IGSF21: variants seen among roughly 807,000 people sequenced by gnomAD.
IGSF21 encodes the protein immunoglobin superfamily member 21.
IGSF21 carries 28 observed loss-of-function variants against 46.8 expected under a neutral mutation model. The observed-to-expected ratio is 0.60, with a 90% CI of 0.44 to 0.82. The LOEUF (loss-of-function observed/expected upper bound fraction) is 0.82, where lower values mean the gene tolerates loss of function less well. IGSF21 is among the 40% of genes least tolerant of loss of function. IGSF21 has a pLI of 0.00. For synonymous variants in IGSF21, 284 were observed against 273.6 expected (o/e 1.04, Z -0.38); for missense variants, 624 against 665.5 (o/e 0.94, Z 0.69).
At chr1:18,341,045 C>CTTCTTCTTTTCT (rs55780171) in intron 4 of IGSF21, among the ~76,000 whole-genome samples, 7 of 78,508 alleles carry the variant, frequency 8.9e-5, no homozygotes, top group African/African-American at 3.1e-4. Context: ...CTTCTTCTTC[C>CTTCTTCTTTTCT]TCTTCCTCTT....
intron 1 of IGSF21, among the ~76,000 whole-genome samples, chr1:18,169,123 T>G (rs544519027): frequency 1.1e-4 from 17 of 152,332 alleles, no homozygotes; most frequent in South Asian, 6.2e-4. Context: ...ATGATGACTT[T>G]GGGGGAATTG....
At chr1:18,111,262 T>C (rs2086142990) in intron 1 of IGSF21, 1 of 152,160 alleles carries the variant, frequency 6.6e-6, no homozygotes, top group East Asian at 1.9e-4. Flanking sequence ...CCCTCCAGCG[T>C]GGCCCCGCCC....
chr1:18,344,440 G>C (rs1217734878), intron 4 of IGSF21, among the ~76,000 whole-genome samples: 1 of 152,144 alleles, frequency 6.6e-6, no homozygotes, highest in Non-Finnish European at 1.5e-5. Context: ...AGTGAGCTAA[G>C]GAGATCTGAG....
At chr1:18,195,265 C>T (rs1423633728) in intron 1 of IGSF21, among the ~76,000 whole-genome samples, 2 of 152,190 alleles carry the variant, frequency 1.3e-5, no homozygotes, top group Non-Finnish European at 1.5e-5. Context: ...AGAGTCTTCA[C>T]TCACTCTACA....
intron 2 of IGSF21, among the ~76,000 whole-genome samples, chr1:18,280,074 G>T (rs1005128976): frequency 3.9e-5 from 6 of 152,198 alleles, no homozygotes; most frequent in Non-Finnish European, 5.9e-5. Flanking sequence ...GTCTACACAG[G>T]TGTGCCCACT....
At chr1:18,376,539 T>C (rs889224342) in intron 7 of IGSF21, 144 bp downstream of exon 7, 2 of 750,018 alleles carry the variant, frequency 2.7e-6, no homozygotes, top group Non-Finnish European at 4.8e-6. Flanking sequence ...CAATGTGTAA[T>C]TGGGAGAATC....
chr1:18,310,244 T>A (rs1011458864), intron 3 of IGSF21, among the ~76,000 whole-genome samples: 9 of 152,338 alleles, frequency 5.9e-5, no homozygotes, highest in Middle Eastern at 3.4e-3. Context: ...AAGGAGTTGG[T>A]ATCCATGCAC....
chr1:18,219,748 CA>C (rs1488664563), intron 1 of IGSF21, among the ~76,000 whole-genome samples: 1 of 152,150 alleles, frequency 6.6e-6, no homozygotes, highest in Admixed American at 6.5e-5. Context: ...CCAAGAGGTG[CA>C]TCAGGCAGTG....
chr1:18,290,390 A>G lies in IGSF21; in HGVS notation c.184-1476A>G, dbSNP rs1569737722. The stretch of plus-strand genomic sequence containing the variant: ...GAGGGGTGTGGGCTTACGGAGGGGT[A>G]AGGAGAAGCCGTGCCCTGGGAAGTC... On this transcript the variant is annotated intron_variant, in intron 2 of 9. Coordinates refer to ENST00000251296, the MANE Select transcript of IGSF21 (RefSeq NM_032880.5). This position sits in a 1 kb window ranked among gnomAD's most constrained non-coding sequence, Gnocchi z 4.2. 6.6e-6 allele frequency among the ~76,000 whole-genome samples: 1 copy of G among 152,162 alleles called. No homozygotes were observed. The highest frequency in any genetic ancestry group is 2.1e-4 in the South Asian group (1 of 4,828).
intron 4 of IGSF21, among the ~76,000 whole-genome samples, chr1:18,360,236 C>T (rs1280975587): frequency 6.6e-6 from 1 of 152,134 alleles, no homozygotes; most frequent in Non-Finnish European, 1.5e-5. Flanking sequence ...TTTCCCTTCT[C>T]GGAATTCCTA....
chr1:18,271,658 G>A (rs2124545768), intron 2 of IGSF21, among the ~76,000 whole-genome samples: 1 of 152,312 alleles, frequency 6.6e-6, no homozygotes, highest in East Asian at 1.9e-4. Context: ...AGATCAACCG[G>A]GAGCATCAGT....
At chr1:18,289,191 G>A (rs577614538) in intron 2 of IGSF21, among the ~76,000 whole-genome samples, 8 of 152,282 alleles carry the variant, frequency 5.3e-5, no homozygotes, top group African/African-American at 1.7e-4. Context: ...AGATTGGGAC[G>A]ATAAGGGCTG....
At chr1:18,179,244 G>C (rs1168190280) in intron 1 of IGSF21, 1 of 152,274 alleles carries the variant, frequency 6.6e-6, no homozygotes, top group East Asian at 1.9e-4. Flanking sequence ...CAACTCAACA[G>C]GTGCTCGTTT....
chr1:18,197,897 C>T lies in IGSF21; in HGVS notation c.71-30001C>T, dbSNP rs147307932. Among the ~76,000 whole-genome samples, 404 of 152,244 alleles carry T rather than the reference C, an allele frequency of 2.7e-3. 1 individual carries two copies. Among genetic ancestry groups the T allele is most frequent in the African/African-American group, 9.4e-3 (390 of 41,558 alleles). Reference sequence around the variant, plus strand: ...TGTGACTGTGTCTTAGCTGTGCTGACGTGGCCACTGGCTTCTATAAGAATC... The same window carrying T: ...TGTGACTGTGTCTTAGCTGTGCTGATGTGGCCACTGGCTTCTATAAGAATC... On this transcript the variant is annotated intron_variant, in intron 1 of 9. Coordinates refer to ENST00000251296, the MANE Select transcript of IGSF21 (RefSeq NM_032880.5).
chr1:18,361,867 C>T, intron 4 of IGSF21: 1 of 495,266 alleles, frequency 2.0e-6, no homozygotes, highest in African/African-American at 1.9e-5. Context: ...TCTGTGCTAT[C>T]TCTTGATTCC....
At chr1:18,170,771 T>C (rs939580397) in intron 1 of IGSF21, among the ~76,000 whole-genome samples, 3 of 152,158 alleles carry the variant, frequency 2.0e-5, no homozygotes, top group African/African-American at 7.2e-5. Context: ...GAAATCTCAC[T>C]TGGCTGGGCA....
rs1043947191 is a variant in IGSF21, at chr1:18,177,450, T to A, written c.71-50448T>A. 2.0e-5 allele frequency among the ~76,000 whole-genome samples: 3 copies of A among 152,048 alleles called. No homozygotes were observed. The South Asian group carries it at 6.2e-4, about 32-fold the overall frequency. ...GTGTGTGTGTGTACATGGTTCTTGGTACATATGCATAAACCTATCTATATT... is the reference window on the plus strand; with the variant it reads ...GTGTGTGTGTGTACATGGTTCTTGGAACATATGCATAAACCTATCTATATT... On this transcript the variant is annotated intron_variant, in intron 1 of 9. Transcript: ENST00000251296.
In IGSF21 at chr1:18,118,375, C is replaced by T. The variant is rs139551943; in HGVS notation, c.70+10177C>T. Among the ~76,000 whole-genome samples the T allele has an allele frequency of 9.0e-4, 137 of 152,262 alleles. 1 individual carries two copies. Among genetic ancestry groups the T allele is most frequent in the Non-Finnish European group, 1.1e-3 (74 of 68,034 alleles). ...CTGGGGGAGGGGCAGCACAAGCGTC[C>T]GATACACTGGCAGAGGCTGGGGCAG... is the stretch of plus-strand genomic sequence containing the variant. On this transcript the variant is annotated intron_variant, in intron 1 of 9. Transcript: ENST00000251296.
intron 3 of IGSF21, among the ~76,000 whole-genome samples, chr1:18,325,466 A>G (rs1170964051): frequency 2.0e-5 from 3 of 152,118 alleles, no homozygotes; most frequent in Non-Finnish European, 4.4e-5. Flanking sequence ...GACCAGCAGC[A>G]GCGGTACCTG....
Sources: allele counts gnomAD v4.1 joint callset (sites outside exome capture counted in the v4.1 genomes callset), GRCh38; gene constraint gnomAD v4.1.1; non-coding constraint Gnocchi (gnomAD v3.1); transcripts MANE v1.5; gene names NCBI Gene and HGNC (gene_info 2026-07-23, HGNC 2026-07-21).